The following ADAMTS19 variants were observed in gnomAD, a reference collection of about 807,000 sequenced individuals.
ADAMTS19 encodes ADAM metallopeptidase with thrombospondin type 1 motif 19, also known as A disintegrin and metalloproteinase with thrombospondin motifs 19.
In ADAMTS19, 93 loss-of-function variants were observed where a neutral mutation model predicts 153.3. The observed-to-expected ratio is 0.61, with a 90% confidence interval of 0.51 to 0.72. ADAMTS19 has a LOEUF of 0.72. Among genes scored for constraint, ADAMTS19 ranks in the 30% least tolerant of loss-of-function variants. The probability of loss-of-function intolerance (pLI) is 0.00; values close to 1 mark genes in which losing one functional copy is unlikely to be tolerated. For missense variants in ADAMTS19, 1,482 were observed against 1,552.1 expected, an observed-to-expected ratio of 0.95 and a Z score of 0.76; for synonymous variants, 600 against 556.6, an observed-to-expected ratio of 1.08 and a Z score of -1.10.
chr5:129,645,758 T>C (rs1561624097), intron 11 of ADAMTS19, among the ~76,000 whole-genome samples: 1 of 152,114 alleles, frequency 6.6e-6, no homozygotes, highest in African/African-American at 2.4e-5. Context: ...GCTAAAACAA[T>C]GTGACCAATT....
At chr5:129,538,284 A>T (rs1752529887) in intron 6 of ADAMTS19, among the ~76,000 whole-genome samples, 2 of 152,162 alleles carry the variant, frequency 1.3e-5, no homozygotes, top group Non-Finnish European at 1.5e-5. Context: ...AGTATATTTC[A>T]TCAGTGGTAT....
At chr5:129,577,808 GA>G (rs1454560899) in intron 7 of ADAMTS19, among the ~76,000 whole-genome samples, 1 of 151,878 alleles carries the variant, frequency 6.6e-6, no homozygotes, top group Non-Finnish European at 1.5e-5. Flanking sequence ...ATATCTTTAA[GA>G]ATTGTAGAGA....
chr5:129,473,746 A>G (rs1301190312), intron 2 of ADAMTS19, among the ~76,000 whole-genome samples: 1 of 152,140 alleles, frequency 6.6e-6, no homozygotes, highest in African/African-American at 2.4e-5. Context: ...TTGATATTTT[A>G]AAATGAAAGT....
At chr5:129,494,831 T>A (rs1393537842) in intron 2 of ADAMTS19, among the ~76,000 whole-genome samples, 2 of 152,162 alleles carry the variant, frequency 1.3e-5, no homozygotes, top group Non-Finnish European at 2.9e-5. Context: ...TCATTCTTTT[T>A]GTTCTACCTT....
chr5:129,588,365 T>C (rs1029561959), intron 7 of ADAMTS19, among the ~76,000 whole-genome samples: 8 of 152,106 alleles, frequency 5.3e-5, no homozygotes, highest in African/African-American at 1.7e-4. Context: ...TTTGGTGGCA[T>C]TGGCAACTTT....
At chr5:129,520,252 C>G (rs1180207921) in intron 3 of ADAMTS19, among the ~76,000 whole-genome samples, 1 of 152,122 alleles carries the variant, frequency 6.6e-6, no homozygotes, top group African/African-American at 2.4e-5. Context: ...TTAGGGAAGT[C>G]CTTCTGAACC....
rs150412325 is a variant in ADAMTS19, at chr5:129,733,779, A to G, written c.3313-1153A>G. On this transcript the variant is annotated intron_variant, in intron 21 of 22. Coordinates refer to ENST00000274487, the MANE Select transcript of ADAMTS19 (RefSeq NM_133638.6). ...TCAAACACCTAAAAATAGAACTACC[A>G]TTTGACTCAGCAGTCCCACTATTGG... is the stretch of plus-strand genomic sequence containing the variant. Among the ~76,000 whole-genome samples the G allele has an allele frequency of 5.3e-5, 8 of 152,162 alleles. No homozygotes were observed. The East Asian group carries it at 1.5e-3, about 29-fold the overall frequency.
intron 21 of ADAMTS19, among the ~76,000 whole-genome samples, chr5:129,732,274 A>G (rs528252190): frequency 6.6e-6 from 1 of 152,154 alleles, no homozygotes; most frequent in Admixed American, 6.6e-5. Context: ...CTGGAACAAG[A>G]TAAGGATACC....
At chr5:129,589,232 T>C (rs1296922890) in intron 7 of ADAMTS19, among the ~76,000 whole-genome samples, 2 of 151,906 alleles carry the variant, frequency 1.3e-5, no homozygotes, top group Admixed American at 6.6e-5. Context: ...TAATTGAGAA[T>C]GTTTATGAAG....
At chr5:129,615,901 A>G (rs533663116) in intron 8 of ADAMTS19, among the ~76,000 whole-genome samples, 65 of 152,076 alleles carry the variant, frequency 4.3e-4, no homozygotes, top group African/African-American at 1.5e-3. Context: ...GAATGTAGGA[A>G]CTGAGTCTTA....
intron 7 of ADAMTS19, among the ~76,000 whole-genome samples, chr5:129,567,066 G>A (rs1246695131): frequency 6.6e-6 from 1 of 152,062 alleles, no homozygotes; most frequent in East Asian, 1.9e-4. Context: ...TTACCAACTT[G>A]TGCTCAACCT....
At chr5:129,494,404 T>C (rs1043187185) in intron 2 of ADAMTS19, among the ~76,000 whole-genome samples, 25 of 152,150 alleles carry the variant, frequency 1.6e-4, no homozygotes, top group Non-Finnish European at 2.9e-5. Context: ...GATTGTTTTA[T>C]TGATTATTAG....
In ADAMTS19 at chr5:129,676,734, T is replaced by C. The variant is rs141183259; in HGVS notation, c.2507-3030T>C. Among the ~76,000 whole-genome samples, 49 of 152,324 alleles carry C rather than the reference T, an allele frequency of 3.2e-4. No homozygotes were observed. In the East Asian group the frequency reaches 8.7e-3, roughly 27 times the overall value. ...GATTTCTAAAAGCACATTTTTTAAA[T>C]TAACAAATTAAAAACAAAAAGCAAG... On this transcript the variant is annotated intron_variant, in intron 16 of 22. Transcript: ENST00000274487.
chr5:129,608,844 C>CT, intron 8 of ADAMTS19, among the ~76,000 whole-genome samples: 2 of 75,492 alleles, frequency 2.6e-5, no homozygotes, highest in East Asian at 7.2e-4. Context: ...AAGACTCTGT[C>CT]TCAAAAAAAA....
Position 129,620,694 on chromosome 5 carries a change from G to A in ADAMTS19, c.1555G>A (p.Gly519Arg). ...TATCATGTCTGGTGAATGGATTAAA[G>A]GACAGAATCTTGGTGACGTTTCATG... ...LHIMSGEWIK[G>R]QNLGDVSWSR... The change falls in exon 9 of 23, where the codon GGA (glycine) becomes AGA (arginine). Residue 519 changes from glycine to arginine, a missense_variant. Physicochemically the swap from Gly to Arg is moderately radical, Grantham distance 125 (BLOSUM62 -2). Coordinates refer to ENST00000274487, the MANE Select transcript of ADAMTS19 (RefSeq NM_133638.6). The A allele has an allele frequency of 1.2e-6, 2 of 1,613,132 alleles. No homozygotes were observed. The highest frequency in any genetic ancestry group is 1.7e-6 in the Non-Finnish European group (2 of 1,179,394).
At chr5:129,538,024 A>G (rs1752516643) in intron 6 of ADAMTS19, among the ~76,000 whole-genome samples, 1 of 152,102 alleles carries the variant, frequency 6.6e-6, no homozygotes, top group African/African-American at 2.4e-5. Flanking sequence ...GAGGGGACTT[A>G]TAAGGTTTGA....
intron 2 of ADAMTS19, among the ~76,000 whole-genome samples, chr5:129,488,055 T>C (rs1251583829): frequency 6.6e-6 from 1 of 152,068 alleles, no homozygotes; most frequent in African/African-American, 2.4e-5. Flanking sequence ...TGTGGTACGA[T>C]TTTATCTCTC....
chr5:129,699,353 G>A (rs1004462925), intron 19 of ADAMTS19, among the ~76,000 whole-genome samples: 2 of 151,576 alleles, frequency 1.3e-5, no homozygotes, highest in Non-Finnish European at 2.9e-5. Flanking sequence ...AACCCAGGAG[G>A]TGGAGGTTGC....
intron 2 of ADAMTS19, among the ~76,000 whole-genome samples, chr5:129,490,657 G>A (rs1750733216): frequency 6.6e-6 from 1 of 152,116 alleles, no homozygotes; most frequent in Admixed American, 6.6e-5. Context: ...TAAAGTCTAG[G>A]TAAATAATGA....
Sources: gnomAD v4.1 joint callset for allele counts (sites outside exome capture counted in the v4.1 genomes callset) on GRCh38, gnomAD v4.1.1 for gene constraint, MANE v1.5 for transcripts, NCBI Gene and HGNC (gene_info 2026-07-23, HGNC 2026-07-21) for gene names.